The following ALK variants were observed in gnomAD, a reference collection of about 807,000 sequenced individuals.
ALK encodes ALK tyrosine kinase receptor.
ALK carries 74 observed loss-of-function variants against 163.1 expected under a neutral mutation model. The ratio of observed to expected loss-of-function variants is 0.45; its 90% CI spans 0.38 to 0.55. The LOEUF (loss-of-function observed/expected upper bound fraction) is 0.55, where lower values mean the gene tolerates loss of function less well. ALK is among the 20% of genes least tolerant of loss of function. The probability of loss-of-function intolerance (pLI) is 0.00; values close to 1 mark genes in which losing one functional copy is unlikely to be tolerated. For synonymous variants in ALK, 960 were observed against 843.2 expected, an observed-to-expected ratio of 1.14 and a Z score of -2.40; for missense variants, 2,063 against 2,105.3, an observed-to-expected ratio of 0.98 and a Z score of 0.39.
chr2:29,439,046 C>T (rs1558324152), intron 4 of ALK, among the ~76,000 whole-genome samples: 1 of 152,166 alleles, frequency 6.6e-6, no homozygotes. Context: ...CTGGTGTTGG[C>T]TCCAGGTCAT....
intron 1 of ALK, among the ~76,000 whole-genome samples, chr2:29,781,842 A>G (rs1681339064): frequency 6.6e-6 from 1 of 151,998 alleles, no homozygotes. Flanking sequence ...CACAAAATAA[A>G]CCTTCTCACA....
At chr2:29,858,182 C>T (rs1666192331) in intron 1 of ALK, among the ~76,000 whole-genome samples, 1 of 152,170 alleles carries the variant, frequency 6.6e-6, no homozygotes, top group African/African-American at 2.4e-5. Context: ...AGAATCCCTC[C>T]TGTTGCCCCT....
intron 1 of ALK, among the ~76,000 whole-genome samples, chr2:29,775,562 G>A (rs1272372894): frequency 6.6e-6 from 1 of 151,222 alleles, no homozygotes; most frequent in Non-Finnish European, 1.5e-5. Context: ...AAAAACAAAA[G>A]CAGAAATCAA....
chr2:29,768,294 C>T (rs1482557310), intron 1 of ALK, among the ~76,000 whole-genome samples: 1 of 152,144 alleles, frequency 6.6e-6, no homozygotes, highest in Non-Finnish European at 1.5e-5. Context: ...TAAACGGGGG[C>T]CCAGTAAATG....
At chr2:29,485,882 G>A (rs551024121) in intron 4 of ALK, among the ~76,000 whole-genome samples, 1 of 152,230 alleles carries the variant, frequency 6.6e-6, no homozygotes, top group East Asian at 1.9e-4. Context: ...GATCCTTTTT[G>A]TGGTTGTGGG....
At chr2:29,212,845 A>G (rs1022411197) in intron 24 of ALK, among the ~76,000 whole-genome samples, 1 of 152,076 alleles carries the variant, frequency 6.6e-6, no homozygotes, top group Admixed American at 6.5e-5. Context: ...AGCTGGGATT[A>G]TAGGCGTCCC....
intron 26 of ALK, among the ~76,000 whole-genome samples, chr2:29,199,426 G>T (rs539661356): frequency 6.6e-6 from 1 of 151,830 alleles, no homozygotes; most frequent in Non-Finnish European, 1.5e-5. Flanking sequence ...GTTTGTTTTT[G>T]CTCTCTTCTT....
intron 3 of ALK, among the ~76,000 whole-genome samples, chr2:29,558,487 G>A (rs1289640056): frequency 6.6e-6 from 1 of 152,054 alleles, no homozygotes; most frequent in African/African-American, 2.4e-5. Context: ...CCACAAGACT[G>A]GTCACTGCTA....
Position 29,579,356 on chromosome 2 carries a change from T to A in ALK, c.953-47240A>T, listed in dbSNP as rs534090450. Among the ~76,000 whole-genome samples the A allele has an allele frequency of 1.1e-3, 173 of 152,246 alleles. 1 individual carries two copies. The highest frequency in any genetic ancestry group is 1.6e-3 in the Non-Finnish European group (107 of 68,010). On this transcript the variant is annotated intron_variant, in intron 3 of 28. Coordinates refer to ENST00000389048, the MANE Select transcript of ALK (RefSeq NM_004304.5). ...TAGCTGTCTTTCTATCAACTTGCCA[T>A]GAAAAATAGTATCCGCTCTTCCTTT... is the stretch of plus-strand genomic sequence containing the variant.
intron 1 of ALK, among the ~76,000 whole-genome samples, chr2:29,734,753 A>G (rs1399285264): frequency 6.6e-6 from 1 of 152,140 alleles, no homozygotes; most frequent in Non-Finnish European, 1.5e-5. Flanking sequence ...AAATTAAAAT[A>G]CTGGACTACT....
chr2:29,695,873 G>A (rs371283671), intron 2 of ALK, among the ~76,000 whole-genome samples: 1 of 152,208 alleles, frequency 6.6e-6, no homozygotes, highest in Non-Finnish European at 1.5e-5. Flanking sequence ...TGCTGGAGAG[G>A]ATGTGGAGAA....
chr2:29,585,426 A>G (rs983842881), intron 3 of ALK, among the ~76,000 whole-genome samples: 2 of 152,160 alleles, frequency 1.3e-5, no homozygotes, highest in African/African-American at 4.8e-5. Context: ...TCCTGGGTTC[A>G]AGTGATTCTC....
intron 4 of ALK, among the ~76,000 whole-genome samples, chr2:29,500,565 T>G (rs1375966232): frequency 6.6e-6 from 1 of 152,084 alleles, no homozygotes; most frequent in African/African-American, 2.4e-5. Context: ...AGCCTCTTCT[T>G]TTTTTTTCTG....
intron 3 of ALK, among the ~76,000 whole-genome samples, chr2:29,669,577 G>GAATTGAGACAATTTACATTTAGTGTTA (rs1202552428): frequency 6.6e-6 from 1 of 151,962 alleles, no homozygotes; most frequent in Non-Finnish European, 1.5e-5. Context: ...TTTAATTAGA[G>GAATTGAGACAATTTACATTTAGTGTTA]AATTGAGACA....
intron 9 of ALK, among the ~76,000 whole-genome samples, chr2:29,293,783 G>A (rs1022960576): frequency 6.6e-6 from 1 of 152,128 alleles, no homozygotes; most frequent in African/African-American, 2.4e-5. Context: ...GAGTTTTAAA[G>A]GCATCCCCAA....
chr2:29,287,901 G>A (rs185446475), intron 9 of ALK, among the ~76,000 whole-genome samples: 270 of 152,192 alleles, frequency 1.8e-3, no homozygotes, highest in African/African-American at 5.6e-3. Flanking sequence ...ACACGAGCAG[G>A]AAATAACATT....
chr2:29,247,726 A>G (rs1664719933), intron 12 of ALK, among the ~76,000 whole-genome samples: 1 of 151,948 alleles, frequency 6.6e-6, no homozygotes. Flanking sequence ...GCTTGGTAGC[A>G]TTCGCTCCCT....
intron 5 of ALK, among the ~76,000 whole-genome samples, chr2:29,362,937 T>C (rs1004424671): frequency 6.6e-6 from 1 of 152,198 alleles, no homozygotes; most frequent in Non-Finnish European, 1.5e-5. Flanking sequence ...CATGGGTTGC[T>C]ACAACAGTAA....
intron 8 of ALK, among the ~76,000 whole-genome samples, chr2:29,317,082 G>C (rs1404482011): frequency 6.6e-6 from 1 of 152,150 alleles, no homozygotes; most frequent in African/African-American, 2.4e-5. Context: ...AACTCGAGGG[G>C]CTTGATTCTG....
Sources: gnomAD v4.1 joint callset for allele counts (sites outside exome capture counted in the v4.1 genomes callset) on GRCh38, gnomAD v4.1.1 for gene constraint, MANE v1.5 for transcripts, NCBI Gene and HGNC (gene_info 2026-07-23, HGNC 2026-07-21) for gene names.